Variants in BMF observed in about 807,000 individuals in gnomAD.
BMF encodes the protein bcl-2-modifying factor.
Under a neutral mutation model 22.0 loss-of-function variants are expected in BMF, and 10 were observed. The ratio of observed to expected loss-of-function variants is 0.45; its 90% CI spans 0.28 to 0.77. BMF has a LOEUF of 0.77. Among genes scored for constraint, BMF ranks in the 30% least tolerant of loss-of-function variants. The pLI, the probability that BMF is intolerant of heterozygous loss-of-function variation, is 0.13. For missense variants in BMF, 206 were observed against 226.8 expected (o/e 0.91, Z 0.59); for synonymous variants, 87 against 88.1 (o/e 0.99, Z 0.07).
intron 4 of BMF, among the ~76,000 whole-genome samples, chr15:40,098,792 T>C (rs2036415720): frequency 1.3e-5 from 2 of 151,654 alleles, no homozygotes; most frequent in South Asian, 4.1e-4. Context: ...TTCCATCCCA[T>C]GGCAGGCCTT....
chr15:40,093,108 TG>T (rs759228565), intron 4 of BMF, among the ~76,000 whole-genome samples: 18 of 152,214 alleles, frequency 1.2e-4, no homozygotes, highest in Non-Finnish European at 2.5e-4. Flanking sequence ...GGGCCCAGGT[TG>T]CCTGGACTCC....
At chr15:40,096,532 T>C (rs1279473717) in intron 4 of BMF, among the ~76,000 whole-genome samples, 3 of 152,232 alleles carry the variant, frequency 2.0e-5, no homozygotes, top group African/African-American at 7.2e-5. Context: ...TTTCTTCTCA[T>C]GTGATCCTCA....
intron 4 of BMF, among the ~76,000 whole-genome samples, chr15:40,095,206 AC>A (rs1310440910): frequency 2.6e-5 from 4 of 152,174 alleles, no homozygotes; most frequent in Non-Finnish European, 4.4e-5. Flanking sequence ...CCCTCACAAG[AC>A]CCTTTTCCAT....
intron 4 of BMF, among the ~76,000 whole-genome samples, chr15:40,097,804 T>G (rs1009622015): frequency 1.3e-5 from 2 of 152,106 alleles, no homozygotes; most frequent in African/African-American, 4.8e-5. Context: ...AGCACGTCTC[T>G]CAATATGCTC....
rs767140552 is a variant in BMF at position 40,105,905 on chromosome 15, C to T, written c.182G>A (p.Arg61Gln). Residue 61 changes from arginine to glutamine, a missense_variant, in exon 3 of 5, where the codon CGA (arginine) becomes CAA (glutamine). Arg to Gln is a conservative substitution (Grantham distance 43). Coordinates refer to ENST00000354670, the MANE Select transcript of BMF (RefSeq NM_001003940.2). ...AGCTTTGTCTTCCTGGCTGGTGGGT[C>T]GAAGGCCAGGGCCACAGCAGTGGGT... ...PLTHCCGPGL[R>Q]PTSQEDKATQ... 17 of 1,613,868 alleles carry T rather than the reference C, an allele frequency of 1.1e-5. No individual in the cohort carries two copies. Among genetic ancestry groups the T allele is most frequent in the African/African-American group, 2.7e-5 (2 of 74,844 alleles).
intron 4 of BMF, among the ~76,000 whole-genome samples, chr15:40,100,615 T>C (rs1387666099): frequency 6.6e-6 from 1 of 152,260 alleles, no homozygotes; most frequent in Non-Finnish European, 1.5e-5. Context: ...CTCCGGTTTT[T>C]TGCCTGTGGA....
chr15:40,101,926 T>C (rs575281628), intron 4 of BMF, among the ~76,000 whole-genome samples: 1 of 152,092 alleles, frequency 6.6e-6, no homozygotes, highest in African/African-American at 2.4e-5. Context: ...AAGTAAGAAG[T>C]AGGTAGATGG....
At chr15:40,098,137 G>A (rs996211838) in intron 4 of BMF, among the ~76,000 whole-genome samples, 1 of 152,224 alleles carries the variant, frequency 6.6e-6, no homozygotes, top group Non-Finnish European at 1.5e-5. Context: ...AGCCACCATG[G>A]CCACGCCCAT....
intron 4 of BMF, among the ~76,000 whole-genome samples, chr15:40,092,952 C>G (rs755025944): frequency 6.6e-6 from 1 of 152,204 alleles, no homozygotes; most frequent in African/African-American, 2.4e-5. Flanking sequence ...TGGATTACTT[C>G]AGTGGCCCCG....
At chr15:40,092,332 G>T (rs1361465693) in intron 4 of BMF, among the ~76,000 whole-genome samples, 1 of 151,994 alleles carries the variant, frequency 6.6e-6, no homozygotes, top group Non-Finnish European at 1.5e-5. Flanking sequence ...GGAAAGGGGG[G>T]GCCTCCATCT....
At chr15:40,092,339 A>C (rs1344583881) in intron 4 of BMF, among the ~76,000 whole-genome samples, 3 of 152,144 alleles carry the variant, frequency 2.0e-5, no homozygotes, top group African/African-American at 7.2e-5. Flanking sequence ...GGGGGCCTCC[A>C]TCTGCAAGTG....
Position 40,089,358 on chromosome 15 carries a change from T to G in BMF, c.*2429A>C, listed in dbSNP as rs1266610796. The G allele has an allele frequency of 1.3e-5, 2 of 152,318 alleles. No individual in the cohort carries two copies. Among genetic ancestry groups the G allele is most frequent in the Non-Finnish European group, 2.9e-5 (2 of 68,110 alleles). The allele number at this position is 152,318 out of a possible 1,614,324, so 9.4% of individuals were successfully genotyped here. A position where few individuals can be genotyped will look rare whatever the true frequency, so the allele number is the denominator to read the frequency against. Reference sequence around the variant, plus strand: ...AACCTTTCTCCTTCCTGACAGCTACTCTGCCAGCTACCTCCTGGGTTTTGT... The same window carrying G: ...AACCTTTCTCCTTCCTGACAGCTACGCTGCCAGCTACCTCCTGGGTTTTGT... On this transcript the variant is annotated 3_prime_UTR_variant, in exon 5 of 5. Coordinates refer to ENST00000354670, the MANE Select transcript of BMF (RefSeq NM_001003940.2).
chr15:40,095,248 G>C (rs1381319893), intron 4 of BMF, among the ~76,000 whole-genome samples: 1 of 152,252 alleles, frequency 6.6e-6, no homozygotes, highest in South Asian at 2.1e-4. Context: ...AGAATGCCCT[G>C]ATTACAAAAT....
At chr15:40,100,649 G>A (rs2036456867) in intron 4 of BMF, among the ~76,000 whole-genome samples, 1 of 152,186 alleles carries the variant, frequency 6.6e-6, no homozygotes, top group Non-Finnish European at 1.5e-5. Context: ...CCCTGAACTG[G>A]TAACTCGGGT....
chr15:40,107,637 A>G (rs1343422233), intron 2 of BMF, among the ~76,000 whole-genome samples: 1 of 151,586 alleles, frequency 6.6e-6, no homozygotes, highest in Admixed American at 6.6e-5. Flanking sequence ...AAATTTCCTG[A>G]TGAAAGGACC....
At chr15:40,096,814 A>T (rs1269447658) in intron 4 of BMF, among the ~76,000 whole-genome samples, 1 of 152,214 alleles carries the variant, frequency 6.6e-6, no homozygotes, top group Non-Finnish European at 1.5e-5. Flanking sequence ...GACGCTGTGG[A>T]CCAGAAAAAA....
Position 40,106,223 on chromosome 15 carries a change from C to T in BMF, c.-5-132G>A, listed in dbSNP as rs774926177. On this transcript the variant is annotated intron_variant, in intron 2 of 4. Coordinates refer to ENST00000354670, the MANE Select transcript of BMF (RefSeq NM_001003940.2). This position sits in a 1 kb window ranked among gnomAD's most constrained non-coding sequence, Gnocchi z 4.1. Reference sequence around the variant, plus strand: ...GGCCGGACCACATACTGATGACATACAACCCTGGTAATAAAGCACTGCTAA... The same window carrying T: ...GGCCGGACCACATACTGATGACATATAACCCTGGTAATAAAGCACTGCTAA... 4 of 1,011,160 alleles carry T rather than the reference C, an allele frequency of 4.0e-6. No homozygotes were observed. Among genetic ancestry groups the T allele is most frequent in the Non-Finnish European group, 5.6e-6 (4 of 714,640 alleles). The allele number at this position is 1,011,160 out of a possible 1,614,324, so 62.6% of individuals were successfully genotyped here.
intron 4 of BMF, among the ~76,000 whole-genome samples, chr15:40,097,200 TGAGCTAC>T (rs1567032784): frequency 6.6e-6 from 1 of 150,386 alleles, no homozygotes; most frequent in Non-Finnish European, 1.5e-5. Context: ...AGCACCCAAC[TGAGCTAC>T]CAAGCACCCA....
chr15:40,108,659 T>C (rs2036636212), intron 1 of BMF, 114 bp downstream of exon 1: 1 of 152,644 alleles, frequency 6.6e-6, no homozygotes, highest in Non-Finnish European at 1.5e-5. Context: ...ACCCCAGACG[T>C]CCGCAGCCCA....
Sources: allele counts gnomAD v4.1 joint callset (sites outside exome capture counted in the v4.1 genomes callset), GRCh38; gene constraint gnomAD v4.1.1; non-coding constraint Gnocchi (gnomAD v3.1); transcripts MANE v1.5; gene names NCBI Gene and HGNC (gene_info 2026-07-23, HGNC 2026-07-21).